The following IL23R variants were observed in gnomAD, a reference collection of about 807,000 sequenced individuals.
The protein encoded by IL23R is interleukin-23 receptor.
IL23R carries 34 observed loss-of-function variants against 56.9 expected under a neutral mutation model. The observed-to-expected ratio is 0.60, with a 90% CI of 0.45 to 0.80. The LOEUF (loss-of-function observed/expected upper bound fraction) is 0.80, where lower values mean the gene tolerates loss of function less well. Ranked by LOEUF, IL23R falls within the 30% of genes least tolerant of loss-of-function variation. IL23R has a pLI of 0.00. For missense variants in IL23R, 635 were observed against 730.0 expected (o/e 0.87, Z 1.50); for synonymous variants, 230 against 249.2 (o/e 0.92, Z 0.73).
intron 7 of IL23R, among the ~76,000 whole-genome samples, chr1:67,232,113 A>AT (rs1032138268): frequency 6.6e-6 from 1 of 152,170 alleles, no homozygotes; most frequent in East Asian, 1.9e-4. Context: ...GACTGTTAAC[A>AT]TTTTTTTTAA....
intron 7 of IL23R, among the ~76,000 whole-genome samples, chr1:67,227,430 CTTTT>C (rs3052957): frequency 1.4e-5 from 2 of 147,118 alleles, no homozygotes; most frequent in African/African-American, 2.5e-5. Flanking sequence ...TCATATTACT[CTTTT>C]TTTTTTTTTG....
At chr1:67,254,178 C>T (rs990045460) in intron 9 of IL23R, among the ~76,000 whole-genome samples, 9 of 152,154 alleles carry the variant, frequency 5.9e-5, no homozygotes, top group Non-Finnish European at 1.0e-4. Flanking sequence ...AAGTGATTCT[C>T]ATGCCTCAGC....
the IL23R span, among the ~76,000 whole-genome samples, chr1:67,265,873 C>T: frequency 1.4e-5 from 2 of 141,566 alleles, no homozygotes; most frequent in Non-Finnish European, 3.1e-5. Flanking sequence ...GACCCTGTCT[C>T]AAAAAAAAAA....
chr1:67,249,800 CT>C (rs1652495534), intron 9 of IL23R, among the ~76,000 whole-genome samples: 1 of 152,050 alleles, frequency 6.6e-6, no homozygotes, highest in Non-Finnish European at 1.5e-5. Context: ...GTTTAAAATA[CT>C]TGATATAATG....
At chr1:67,160,952 T>C (rs1308839327) in intron 1 of IL23R, among the ~76,000 whole-genome samples, 19 of 152,226 alleles carry the variant, frequency 1.2e-4, no homozygotes, top group Admixed American at 1.2e-3. Flanking sequence ...AGTGAATCAA[T>C]AAAACCTTAT....
At position 67,151,218 on chromosome 1, in the gene IL23R, T is replaced by C. The variant is rs576304891; in HGVS notation, c.-634+12057T>C. ...CTCTGCAGATCAGTGGTGATGTGCT[T>C]TTTTTCATGTTTGTTGGCTGCATAA... On this transcript the variant is annotated intron_variant, in intron 1 of 10. Transcript: ENST00000637002. Among the ~76,000 whole-genome samples, 17 of 152,348 alleles carry C rather than the reference T, an allele frequency of 1.1e-4. No individual in the cohort carries two copies. In the East Asian group the frequency reaches 3.3e-3, roughly 29 times the overall value.
chr1:67,219,834 G>A lies in IL23R; in HGVS notation c.955+104G>A, dbSNP rs181952217. On this transcript the variant is annotated intron_variant, in intron 7 of 10. Transcript: ENST00000347310. ...TAATTCCAGCACTTTGAGAGGCCAA[G>A]GCAGGAAGATTGCTTGAGCCTAGGA... 207 of 1,111,864 alleles carry A rather than the reference G, an allele frequency of 1.9e-4. No homozygotes were observed. The African/African-American group carries it at 2.9e-3, about 16-fold the overall frequency. The allele number at this position is 1,111,864 out of a possible 1,614,324, so 68.9% of individuals were successfully genotyped here.
chr1:67,152,115 G>T (rs1646733858), intron 1 of IL23R, among the ~76,000 whole-genome samples: 3 of 152,272 alleles, frequency 2.0e-5, no homozygotes, highest in Middle Eastern at 6.8e-3. Flanking sequence ...TTTTCCATTT[G>T]TTTGTGTTCT....
At chr1:67,184,914 A>G (rs941973150) in intron 4 of IL23R, among the ~76,000 whole-genome samples, 3 of 152,156 alleles carry the variant, frequency 2.0e-5, no homozygotes, top group Non-Finnish European at 4.4e-5. Flanking sequence ...GCCCTCATGG[A>G]TGGAATTATT....
chr1:67,246,761 T>G (rs2100352624), intron 9 of IL23R, among the ~76,000 whole-genome samples: 1 of 152,314 alleles, frequency 6.6e-6, no homozygotes, highest in Non-Finnish European at 1.5e-5. Flanking sequence ...GTATGTGTGA[T>G]GTAGTCCTGA....
intron 3 of IL23R, among the ~76,000 whole-genome samples, chr1:67,173,416 A>AAATC (rs1315251511): frequency 2.0e-5 from 3 of 152,190 alleles, no homozygotes; most frequent in African/African-American, 7.2e-5. Context: ...AATCAATGGC[A>AAATC]CTCTGTATCT....
At chr1:67,156,417 C>T (rs1646770468) in intron 1 of IL23R, among the ~76,000 whole-genome samples, 1 of 152,196 alleles carries the variant, frequency 6.6e-6, no homozygotes, top group Admixed American at 6.6e-5. Context: ...GCAGCTGTCC[C>T]CTCCCTCCAG....
At chr1:67,145,315 C>T (rs1235485530) in intron 1 of IL23R, among the ~76,000 whole-genome samples, 1 of 152,152 alleles carries the variant, frequency 6.6e-6, no homozygotes, top group African/African-American at 2.4e-5. Context: ...CCACTGCCCT[C>T]CAGCCTGGGC....
intron 3 of IL23R, among the ~76,000 whole-genome samples, chr1:67,178,793 C>T (rs150767069): frequency 0.045 from 6,817 of 152,172 alleles, 504 homozygotes; most frequent in African/African-American, 0.16. Context: ...ATACGTCCCA[C>T]TAATACCTAA....
chr1:67,153,447 TC>T (rs2102535564), intron 1 of IL23R, among the ~76,000 whole-genome samples: 1 of 152,332 alleles, frequency 6.6e-6, no homozygotes, highest in Admixed American at 6.5e-5. Context: ...TCTATCTCCT[TC>T]AGTTCTGCTC....
At chr1:67,215,334 TG>T (rs1375027024) in intron 6 of IL23R, among the ~76,000 whole-genome samples, 1 of 152,202 alleles carries the variant, frequency 6.6e-6, no homozygotes, top group Non-Finnish European at 1.5e-5. Context: ...TTGCTGGAAT[TG>T]GGCATGTGTT....
At chr1:67,244,978 CTT>C (rs1278229805) in intron 9 of IL23R, among the ~76,000 whole-genome samples, 2 of 151,648 alleles carry the variant, frequency 1.3e-5, no homozygotes, top group African/African-American at 4.8e-5. Flanking sequence ...TGTGTCCTCT[CTT>C]ATTTCCTTGA....
intron 6 of IL23R, among the ~76,000 whole-genome samples, chr1:67,214,008 C>T: frequency 6.6e-6 from 1 of 152,088 alleles, no homozygotes; most frequent in Non-Finnish European, 1.5e-5. Context: ...TCAGAGATAG[C>T]AAGAAGAAAA....
intron 3 of IL23R, among the ~76,000 whole-genome samples, chr1:67,180,245 G>A (rs1469772956): frequency 2.0e-5 from 3 of 152,046 alleles, no homozygotes; most frequent in Non-Finnish European, 4.4e-5. Context: ...ATTATTGTGT[G>A]GGGAGTCTAA....
Sources: allele counts gnomAD v4.1 joint callset (sites outside exome capture counted in the v4.1 genomes callset), GRCh38; gene constraint gnomAD v4.1.1; transcripts MANE v1.5; gene names NCBI Gene and HGNC (gene_info 2026-07-23, HGNC 2026-07-21).